Variants in STARD13 observed in about 807,000 individuals in gnomAD.
The protein encoded by STARD13 is StAR related lipid transfer domain containing 13, also known as stAR-related lipid transfer protein 13.
A neutral mutation model predicts 106.4 loss-of-function variants in STARD13; 62 were observed. The ratio of observed to expected loss-of-function variants is 0.58; its 90% CI spans 0.48 to 0.72. The LOEUF is 0.72. Ranked by LOEUF, STARD13 falls within the 30% of genes least tolerant of loss-of-function variation. The pLI is 0.00. For missense variants in STARD13, 1,387 were observed against 1,424.0 expected, an observed-to-expected ratio of 0.97 and a Z score of 0.42; for synonymous variants, 565 against 553.0, an observed-to-expected ratio of 1.02 and a Z score of -0.31.
chr13:33,396,661 T>A, the STARD13 span, among the ~76,000 whole-genome samples: 2 of 152,292 alleles, frequency 1.3e-5, no homozygotes, highest in East Asian at 3.9e-4. Context: ...GCCCCAAAAA[T>A]TTCTGAAAAA....
chr13:33,417,862 C>G, the STARD13 span, among the ~76,000 whole-genome samples: 2 of 152,188 alleles, frequency 1.3e-5, no homozygotes, highest in Non-Finnish European at 2.9e-5. Flanking sequence ...GTGATAGCTG[C>G]AAAACTCTGT....
the STARD13 span, chr13:33,359,361 A>G: frequency 6.0e-6 from 1 of 167,128 alleles, no homozygotes; most frequent in South Asian, 1.8e-4. Flanking sequence ...TCACTTCTGA[A>G]CCAACGAGAC....
At chr13:33,401,928 C>T in the STARD13 span, among the ~76,000 whole-genome samples, 5 of 152,292 alleles carry the variant, frequency 3.3e-5, no homozygotes, top group South Asian at 4.1e-4. Context: ...TTATCTTTTA[C>T]ATCTGTTGTC....
At chr13:33,397,757 A>G in the STARD13 span, among the ~76,000 whole-genome samples, 1 of 152,186 alleles carries the variant, frequency 6.6e-6, no homozygotes, top group East Asian at 1.9e-4. Context: ...TGGGTGGCTT[A>G]CAAATAACAG....
At chr13:33,361,132 T>C in the STARD13 span, among the ~76,000 whole-genome samples, 1 of 150,758 alleles carries the variant, frequency 6.6e-6, no homozygotes. Context: ...ACAGTTACAC[T>C]GAGTGTGCCT....
intron 1 of STARD13, among the ~76,000 whole-genome samples, chr13:33,339,931 A>G (rs1252127640): frequency 6.6e-6 from 1 of 152,076 alleles, no homozygotes; most frequent in Non-Finnish European, 1.5e-5. Flanking sequence ...GGAAAATACT[A>G]TTTATTACCA....
the STARD13 span, among the ~76,000 whole-genome samples, chr13:33,656,349 CA>C: frequency 6.6e-6 from 1 of 152,088 alleles, no homozygotes; most frequent in African/African-American, 2.4e-5. Context: ...AAGGGAAGAT[CA>C]ATCTAAGAAA....
chr13:33,358,276 C>T, the STARD13 span, among the ~76,000 whole-genome samples: 1 of 152,216 alleles, frequency 6.6e-6, no homozygotes, highest in East Asian at 1.9e-4. Context: ...ACTCCATGGG[C>T]TCCTGTGCAG....
At chr13:33,263,638 T>G (rs577796109) in intron 1 of STARD13, among the ~76,000 whole-genome samples, 1 of 152,286 alleles carries the variant, frequency 6.6e-6, no homozygotes, top group African/African-American at 2.4e-5. Flanking sequence ...CCTGCAACTA[T>G]TCACACAGTC....
chr13:33,207,798 C>A (rs1317968889), intron 1 of STARD13, among the ~76,000 whole-genome samples: 2 of 152,090 alleles, frequency 1.3e-5, no homozygotes, highest in African/African-American at 4.8e-5. Flanking sequence ...TGTAGCTGGC[C>A]AGAAGTCAGC....
chr13:33,526,611 C>T, the STARD13 span, among the ~76,000 whole-genome samples: 1 of 152,090 alleles, frequency 6.6e-6, no homozygotes, highest in Non-Finnish European at 1.5e-5. Flanking sequence ...CAAAGCCAGG[C>T]TCTGACACTT....
chr13:33,224,500 G>C (rs754884554), intron 1 of STARD13, among the ~76,000 whole-genome samples: 2 of 152,180 alleles, frequency 1.3e-5, no homozygotes, highest in African/African-American at 4.8e-5. Context: ...GACACAGCGT[G>C]ATGGAGACTT....
rs193120742 is a variant in STARD13 at position 33,274,169 on chromosome 13, C to T, written c.169+11301G>A. ...TGTAGTGGGGGCTGAATTGCATCTC[C>T]TCAAATTCATGTGTTGAAGTCCTTG... On this transcript the variant is annotated intron_variant, in intron 1 of 13. Transcript: ENST00000336934. 9.9e-5 allele frequency: 15 copies of T among 151,816 alleles called. No individual in the cohort carries two copies. The East Asian group carries it at 2.9e-3, about 29-fold the overall frequency. The allele number at this position is 151,816 out of a possible 1,614,324, so 9.4% of individuals were successfully genotyped here. A position where few individuals can be genotyped will look rare whatever the true frequency, so the allele number is the denominator to read the frequency against.
chr13:33,117,753 C>T, intron 8 of STARD13: 2 of 935,648 alleles, frequency 2.1e-6, no homozygotes, highest in Non-Finnish European at 2.5e-6. Context: ...TATAAAACAA[C>T]TTCTATTGTG....
At chr13:33,370,911 G>A in the STARD13 span, among the ~76,000 whole-genome samples, 3 of 151,928 alleles carry the variant, frequency 2.0e-5, no homozygotes, top group East Asian at 1.9e-4. Context: ...GTGAGCAACC[G>A]CTCCCAGCCA....
At chr13:33,563,793 A>G in the STARD13 span, among the ~76,000 whole-genome samples, 1 of 147,768 alleles carries the variant, frequency 6.8e-6, no homozygotes, top group Non-Finnish European at 1.5e-5. Flanking sequence ...GACAACCTAC[A>G]GAATGAGAGA....
At chr13:33,528,169 T>TTATATA in the STARD13 span, among the ~76,000 whole-genome samples, 2,064 of 128,726 alleles carry the variant, frequency 0.016, 21 homozygotes, top group Non-Finnish European at 0.02. Context: ...TAAGCTAATA[T>TTATATA]TATATATATA....
the STARD13 span, among the ~76,000 whole-genome samples, chr13:33,636,890 G>C: frequency 6.6e-6 from 1 of 152,108 alleles, no homozygotes; most frequent in Non-Finnish European, 1.5e-5. Flanking sequence ...AGACCTCTAA[G>C]GGTTTAGAAT....
rs144009368 is a variant in STARD13, at chr13:33,252,931, C to T, written c.169+32539G>A. 3.6e-3 allele frequency among the ~76,000 whole-genome samples: 551 copies of T among 152,270 alleles called. 1 individual carries two copies. The highest frequency in any genetic ancestry group is 0.012 in the African/African-American group (518 of 41,540). ...GACAGTGAGCACATCACCCACCAAGCGAGCTTCCCTAAGGTACTGACCTTG... is the reference window on the plus strand; with the variant it reads ...GACAGTGAGCACATCACCCACCAAGTGAGCTTCCCTAAGGTACTGACCTTG... On this transcript the variant is annotated intron_variant, in intron 1 of 13. Coordinates refer to ENST00000336934, the MANE Select transcript of STARD13 (RefSeq NM_178006.4).
Sources: gnomAD v4.1 joint callset for allele counts (sites outside exome capture counted in the v4.1 genomes callset) on GRCh38, gnomAD v4.1.1 for gene constraint, MANE v1.5 for transcripts, NCBI Gene and HGNC (gene_info 2026-07-23, HGNC 2026-07-21) for gene names.